The following SND1 variants were observed in gnomAD, a reference collection of about 807,000 sequenced individuals.
The protein encoded by SND1 is staphylococcal nuclease domain-containing protein 1.
Under a neutral mutation model 121.7 loss-of-function variants are expected in SND1, and 38 were observed. The ratio of observed to expected loss-of-function variants is 0.31; its 90% CI spans 0.24 to 0.41. The LOEUF is 0.41. SND1 is among the 10% of genes least tolerant of loss of function. SND1 has a pLI of 1.00. For synonymous variants in SND1, 401 were observed against 447.4 expected, an observed-to-expected ratio of 0.90 and a Z score of 1.31; for missense variants, 868 against 1,184.6, an observed-to-expected ratio of 0.73 and a Z score of 3.92.
chr7:127,922,895 G>A (rs991584730), intron 14 of SND1, among the ~76,000 whole-genome samples: 11 of 152,134 alleles, frequency 7.2e-5, no homozygotes, highest in African/African-American at 1.7e-4. Flanking sequence ...CCTGGGCTGC[G>A]GTTTCTCCTA....
chr7:127,767,336 C>T (rs779513544), intron 10 of SND1, among the ~76,000 whole-genome samples: 8 of 152,176 alleles, frequency 5.3e-5, no homozygotes, highest in Non-Finnish European at 8.8e-5. Context: ...AGCTTCCTAT[C>T]CTGGTCTTCC....
chr7:127,682,239 T>C (rs1587592370), intron 1 of SND1, among the ~76,000 whole-genome samples: 1 of 152,170 alleles, frequency 6.6e-6, no homozygotes, highest in East Asian at 1.9e-4. Context: ...TCACTGTAGG[T>C]AAATCTCCCA....
chr7:127,670,562 A>G (rs541089318), intron 1 of SND1, among the ~76,000 whole-genome samples: 1 of 152,350 alleles, frequency 6.6e-6, no homozygotes, highest in South Asian at 2.1e-4. Context: ...GAAAGTTCTC[A>G]GTTACTTTAA....
chr7:128,071,863 C>T (rs1014551477), intron 16 of SND1, among the ~76,000 whole-genome samples: 7 of 152,200 alleles, frequency 4.6e-5, no homozygotes, highest in African/African-American at 1.7e-4. Context: ...AGGATGGATT[C>T]GGTGGCAGCA....
Position 128,029,993 on chromosome 7 carries a change from G to A in SND1, c.1779+38937G>A, listed in dbSNP as rs114319253. On this transcript the variant is annotated intron_variant, in intron 16 of 23. Coordinates refer to ENST00000354725, the MANE Select transcript of SND1 (RefSeq NM_014390.4). The surrounding 1 kb of genome is among the most constrained non-coding windows in gnomAD (Gnocchi z 4.2). ...TCTCCAGCTCCTCCAGCCCCACCAG[G>A]GGGGTGAGATTGGGCATGTCTTTAA... 7.6e-4 allele frequency: 1,229 copies of A among 1,613,204 alleles called. 12 individuals carry two copies. In the African/African-American group the frequency reaches 0.015, roughly 19 times the overall value.
At chr7:127,676,710 G>A (rs754614014) in intron 1 of SND1, among the ~76,000 whole-genome samples, 3 of 152,132 alleles carry the variant, frequency 2.0e-5, no homozygotes, top group Non-Finnish European at 4.4e-5. Context: ...AGAATTCAGT[G>A]GTGAGAGAAT....
intron 16 of SND1, among the ~76,000 whole-genome samples, chr7:128,006,410 C>G (rs908320051): frequency 2.0e-5 from 3 of 152,196 alleles, no homozygotes; most frequent in Non-Finnish European, 4.4e-5. Context: ...ATCCTCCCCC[C>G]ACCTCCCAAA....
At chr7:127,763,629 T>C (rs1050356284) in intron 10 of SND1, among the ~76,000 whole-genome samples, 2 of 152,184 alleles carry the variant, frequency 1.3e-5, no homozygotes, top group East Asian at 1.9e-4. Flanking sequence ...CTTGTTAAAT[T>C]GATTTATTGA....
chr7:128,067,710 G>A (rs1359027568), intron 16 of SND1, among the ~76,000 whole-genome samples: 1 of 152,160 alleles, frequency 6.6e-6, no homozygotes, highest in African/African-American at 2.4e-5. Flanking sequence ...TACTGCCTCA[G>A]GCATTGTGCA....
intron 14 of SND1, among the ~76,000 whole-genome samples, chr7:127,920,513 G>A (rs1349425763): frequency 6.6e-6 from 1 of 152,144 alleles, no homozygotes; most frequent in East Asian, 1.9e-4. Flanking sequence ...AAAATTGTAA[G>A]ACTAGTGTGT....
chr7:127,969,527 C>T (rs1801932032), intron 15 of SND1, among the ~76,000 whole-genome samples: 1 of 152,156 alleles, frequency 6.6e-6, no homozygotes, highest in South Asian at 2.1e-4. Flanking sequence ...AGATCGAGAC[C>T]AGCCTGGCTA....
chr7:127,876,977 T>C (rs1269467682), intron 12 of SND1, among the ~76,000 whole-genome samples: 1 of 152,178 alleles, frequency 6.6e-6, no homozygotes, highest in East Asian at 1.9e-4. Flanking sequence ...AGATGGACAT[T>C]GTTTTATTAC....
At chr7:128,002,094 C>T (rs1203163889) in intron 16 of SND1, among the ~76,000 whole-genome samples, 1 of 152,196 alleles carries the variant, frequency 6.6e-6, no homozygotes, top group Admixed American at 6.5e-5. Flanking sequence ...CCTCCCAGTG[C>T]TCTTCACTCC....
chr7:127,769,242 T>C (rs1797471785), intron 10 of SND1, among the ~76,000 whole-genome samples: 1 of 150,840 alleles, frequency 6.6e-6, no homozygotes, highest in Admixed American at 6.6e-5. Flanking sequence ...AAGTATTAGG[T>C]AGAGTGTTTT....
chr7:128,082,260 G>A (rs1793617667), intron 18 of SND1, among the ~76,000 whole-genome samples: 1 of 152,232 alleles, frequency 6.6e-6, no homozygotes, highest in Admixed American at 6.5e-5. Context: ...GGAGCGGAAG[G>A]AAAAGCTCTT....
chr7:127,863,472 C>T (rs1265395311), intron 12 of SND1, among the ~76,000 whole-genome samples: 1 of 152,164 alleles, frequency 6.6e-6, no homozygotes, highest in Non-Finnish European at 1.5e-5. Flanking sequence ...AAGAGGAAGT[C>T]ACCTTATCCA....
intron 10 of SND1, among the ~76,000 whole-genome samples, chr7:127,785,628 T>C (rs1797799069): frequency 6.6e-6 from 1 of 152,238 alleles, no homozygotes; most frequent in South Asian, 2.1e-4. Context: ...TGCTGTTGAA[T>C]TGATTCTTAG....
At chr7:127,882,043 A>G (rs754159834) in intron 12 of SND1, among the ~76,000 whole-genome samples, 7 of 152,044 alleles carry the variant, frequency 4.6e-5, no homozygotes, top group Non-Finnish European at 7.4e-5. Context: ...ACTTGGGCCC[A>G]GGAGTTCACA....
chr7:127,989,604 G>A (rs1331912696), intron 15 of SND1, among the ~76,000 whole-genome samples: 2 of 151,186 alleles, frequency 1.3e-5, no homozygotes, highest in East Asian at 2.0e-4. Context: ...TCTCTTGTAC[G>A]TTCCCTTGAG....
Sources: allele counts gnomAD v4.1 joint callset (sites outside exome capture counted in the v4.1 genomes callset), GRCh38; gene constraint gnomAD v4.1.1; non-coding constraint Gnocchi (gnomAD v3.1); transcripts MANE v1.5; gene names NCBI Gene and HGNC (gene_info 2026-07-23, HGNC 2026-07-21).